Variants in NTM observed in about 807,000 individuals in gnomAD.
The protein encoded by NTM is IgLON family member 2.
Under a neutral mutation model 42.1 loss-of-function variants are expected in NTM, and 13 were observed. That is an observed-to-expected ratio of 0.31 (90% CI 0.20 to 0.49). The LOEUF is 0.49. Ranked by LOEUF, NTM falls within the 20% of genes least tolerant of loss-of-function variation. NTM has a pLI of 0.99. For missense variants in NTM, 373 were observed against 452.8 expected, an observed-to-expected ratio of 0.82 and a Z score of 1.60; for synonymous variants, 187 against 179.2, an observed-to-expected ratio of 1.04 and a Z score of -0.35.
At chr11:132,220,855 G>A (rs2085004031) in intron 4 of NTM, among the ~76,000 whole-genome samples, 2 of 152,258 alleles carry the variant, frequency 1.3e-5, no homozygotes, top group South Asian at 2.1e-4. Context: ...TCAGTAAGAT[G>A]CAAAGTCTCA....
At chr11:131,673,934 G>A (rs943813981) in intron 1 of NTM, among the ~76,000 whole-genome samples, 7 of 152,218 alleles carry the variant, frequency 4.6e-5, no homozygotes, top group Non-Finnish European at 8.8e-5. Context: ...TTGAAAGGCG[G>A]CACAAAGAGA....
At chr11:132,117,431 G>A (rs2064068694) in intron 2 of NTM, among the ~76,000 whole-genome samples, 2 of 152,212 alleles carry the variant, frequency 1.3e-5, no homozygotes, top group Non-Finnish European at 2.9e-5. Context: ...ACCAAGCTAA[G>A]CTTCTGCTGA....
chr11:132,036,767 T>G (rs546524748), intron 2 of NTM, among the ~76,000 whole-genome samples: 17 of 152,288 alleles, frequency 1.1e-4, no homozygotes, highest in East Asian at 5.8e-4. Context: ...CTTTCTTAAC[T>G]CCTTGTTTTT....
intron 2 of NTM, among the ~76,000 whole-genome samples, chr11:132,072,659 ATCTT>A (rs1440546161): frequency 1.3e-5 from 2 of 152,130 alleles, no homozygotes; most frequent in African/African-American, 4.8e-5. Context: ...TCTCAGATAA[ATCTT>A]TCTTGTTATC....
chr11:131,786,159 A>T (rs2089165513), intron 1 of NTM, among the ~76,000 whole-genome samples: 1 of 152,208 alleles, frequency 6.6e-6, no homozygotes, highest in Admixed American at 6.5e-5. Flanking sequence ...CAAAGTTCTA[A>T]ACAACCTCGG....
intron 1 of NTM, among the ~76,000 whole-genome samples, chr11:131,897,581 A>T: frequency 6.6e-6 from 1 of 152,240 alleles, no homozygotes; most frequent in East Asian, 1.9e-4. Flanking sequence ...AATGCAAAGG[A>T]GCTTCTACTC....
Position 132,212,012 on chromosome 11 carries a change from G to C in NTM, c.401-10G>C, listed in dbSNP as rs769099740. On this transcript the variant is annotated splice_polypyrimidine_tract_variant and intron_variant, in intron 3 of 8. Coordinates refer to ENST00000683400, the MANE Select transcript of NTM (RefSeq NM_001352005.2). ...AGGATTTTTATTTTCATTCTGTCTT[G>C]TTTCCACAGTATCTCCCAAAATTGT... 2 of 1,604,912 alleles carry C rather than the reference G, an allele frequency of 1.2e-6. No homozygotes were observed. The highest frequency in any genetic ancestry group is 1.7e-6 in the Non-Finnish European group (2 of 1,177,086).
At chr11:132,046,684 G>A (rs535907253) in intron 2 of NTM, among the ~76,000 whole-genome samples, 1 of 152,230 alleles carries the variant, frequency 6.6e-6, no homozygotes, top group East Asian at 1.9e-4. Context: ...ACACTCCCCT[G>A]TGTGCCTCAT....
chr11:131,439,667 G>A (rs1275345454), intron 1 of NTM, among the ~76,000 whole-genome samples: 1 of 152,234 alleles, frequency 6.6e-6, no homozygotes, highest in African/African-American at 2.4e-5. Context: ...CATTGGAAAA[G>A]TGCAGTATTT....
At chr11:131,852,877 TCCGTCCATCCATCCATCCACCCAC>T (rs1245986854) in intron 1 of NTM, among the ~76,000 whole-genome samples, 47 of 143,068 alleles carry the variant, frequency 3.3e-4, no homozygotes, top group Non-Finnish European at 5.5e-4. Flanking sequence ...CATCCACCCA[TCCGTCCATCCATCCATCCACCCAC>T]CCATCCATCC....
Position 132,262,025 on chromosome 11 carries a change from A to G in NTM, c.527-45664A>G, listed in dbSNP as rs933120933. Reference sequence around the variant, plus strand: ...CTTTCCTCAACTCTAAGCCCATCCCAGCCAAGTGCAATGAGCATTCAGCTA... The same window carrying G: ...CTTTCCTCAACTCTAAGCCCATCCCGGCCAAGTGCAATGAGCATTCAGCTA... On this transcript the variant is annotated intron_variant, in intron 4 of 8. Transcript: ENST00000683400. 2.0e-5 allele frequency among the ~76,000 whole-genome samples: 3 copies of G among 152,198 alleles called. No homozygotes were observed. The South Asian group carries it at 6.2e-4, about 32-fold the overall frequency.
At chr11:131,998,012 G>C (rs1297575207) in intron 2 of NTM, among the ~76,000 whole-genome samples, 1 of 150,210 alleles carries the variant, frequency 6.7e-6, no homozygotes, top group African/African-American at 2.5e-5. Flanking sequence ...ACCCACCTTT[G>C]CTCAAGGCAA....
At chr11:132,164,860 C>A (rs544352685) in intron 3 of NTM, among the ~76,000 whole-genome samples, 3 of 152,172 alleles carry the variant, frequency 2.0e-5, no homozygotes, top group African/African-American at 7.2e-5. Context: ...CAATACCATC[C>A]AACAAAGATG....
intron 2 of NTM, among the ~76,000 whole-genome samples, chr11:132,105,526 A>T (rs1178744195): frequency 6.6e-6 from 1 of 152,166 alleles, no homozygotes; most frequent in Non-Finnish European, 1.5e-5. Context: ...AAGGAACCAG[A>T]GGAAGACCAC....
chr11:132,160,977 C>T (rs2074145839), intron 3 of NTM, among the ~76,000 whole-genome samples: 1 of 152,156 alleles, frequency 6.6e-6, no homozygotes, highest in Non-Finnish European at 1.5e-5. Context: ...TTCTTAAGGG[C>T]AGAAGGAGCC....
intron 1 of NTM, among the ~76,000 whole-genome samples, chr11:131,867,471 GTC>G (rs1174528016): frequency 1.3e-5 from 2 of 151,906 alleles, no homozygotes; most frequent in Non-Finnish European, 2.9e-5. Flanking sequence ...GTCTGTGTGT[GTC>G]TGAGTGTGTG....
chr11:131,954,615 A>T (rs1266418889), intron 2 of NTM, among the ~76,000 whole-genome samples: 1 of 140,070 alleles, frequency 7.1e-6, no homozygotes, highest in Non-Finnish European at 1.6e-5. Context: ...CACTCAATCA[A>T]ATTTTATAGA....
chr11:131,470,214 A>G (rs1414776890), intron 1 of NTM, among the ~76,000 whole-genome samples: 1 of 152,224 alleles, frequency 6.6e-6, no homozygotes, highest in African/African-American at 2.4e-5. Flanking sequence ...TTAGAAAGTT[A>G]GTGGGAAAGT....
chr11:131,765,029 G>A (rs1279940308), intron 1 of NTM, among the ~76,000 whole-genome samples: 1 of 152,124 alleles, frequency 6.6e-6, no homozygotes, highest in Non-Finnish European at 1.5e-5. Context: ...GCCGCTCACT[G>A]GTAGTGGAAC....
Sources: allele counts gnomAD v4.1 joint callset (sites outside exome capture counted in the v4.1 genomes callset), GRCh38; gene constraint gnomAD v4.1.1; transcripts MANE v1.5; gene names NCBI Gene and HGNC (gene_info 2026-07-23, HGNC 2026-07-21).